DHX30: variants seen among roughly 807,000 people sequenced by gnomAD.
DHX30 encodes DExH-box helicase 30.
A neutral mutation model predicts 116.9 loss-of-function variants in DHX30; 4 were observed. The ratio of observed to expected loss-of-function variants is 0.03; its 90% CI spans 0.02 to 0.08. DHX30 has a LOEUF of 0.08. Ranked by LOEUF, DHX30 falls within the 10% of genes least tolerant of loss-of-function variation. The pLI, the probability that DHX30 is intolerant of heterozygous loss-of-function variation, is 1.00. For synonymous variants in DHX30, 697 were observed against 651.7 expected (o/e 1.07, Z -1.06); for missense variants, 871 against 1,595.1 (o/e 0.55, Z 7.73).
At chr3:47,816,269 A>G in intron 3 of DHX30, 3 of 985,086 alleles carry the variant, frequency 3.0e-6, no homozygotes, top group Non-Finnish European at 2.4e-6. Flanking sequence ...ACAAAAAACA[A>G]TTATTGGTGC....
chr3:47,807,446 G>C (rs2035581316), intron 2 of DHX30, among the ~76,000 whole-genome samples: 1 of 152,024 alleles, frequency 6.6e-6, no homozygotes, highest in Non-Finnish European at 1.5e-5. Context: ...GCTCATGCCT[G>C]TAATCCCAGC....
intron 6 of DHX30, among the ~76,000 whole-genome samples, chr3:47,839,986 T>C (rs1316741928): frequency 1.4e-5 from 2 of 137,994 alleles, no homozygotes; most frequent in Admixed American, 1.5e-4. Context: ...GCTACGTATT[T>C]TTTTTTCTTT....
chr3:47,849,392 T>A (rs200827708), intron 19 of DHX30, 43 bp downstream of exon 19: 5 of 1,586,022 alleles, frequency 3.2e-6, no homozygotes, highest in East Asian at 4.5e-5. Flanking sequence ...GGTCCCAGCC[T>A]CCTTCCCTGT....
chr3:47,817,328 C>T (rs1049806375), intron 3 of DHX30, among the ~76,000 whole-genome samples: 2 of 152,174 alleles, frequency 1.3e-5, no homozygotes, highest in East Asian at 1.9e-4. Context: ...TCCACCTTCC[C>T]GTGGAAGACT....
intron 1 of DHX30, among the ~76,000 whole-genome samples, chr3:47,803,623 C>T (rs1398078317): frequency 2.0e-5 from 3 of 152,226 alleles, no homozygotes; most frequent in East Asian, 1.9e-4. Flanking sequence ...TACTTCTCCT[C>T]CTTCCCGGTG....
rs548859998 is a variant in DHX30 at position 47,850,051 on chromosome 3, T to A, written c.3516T>A (p.Leu1172=). The A allele has an allele frequency of 3.8e-5, 61 of 1,601,412 alleles. 1 individual carries two copies. In the South Asian group the frequency reaches 6.6e-4, roughly 17 times the overall value. The change falls in exon 22 of 22, where the codon CTT becomes CTA. Residue 1172 remains leucine, a synonymous_variant. Transcript: ENST00000445061. The part of the protein sequence containing the change: ...PSVQEEHGQL[L]ALLAELLRGP... ...TACAGGAGGAGCACGGGCAGCTGCT[T>A]GCGCTACTGGCAGAGCTGCTGCGAG...
chr3:47,814,875 A>G (rs1185290385), intron 3 of DHX30, among the ~76,000 whole-genome samples: 2 of 151,846 alleles, frequency 1.3e-5, no homozygotes, highest in African/African-American at 2.4e-5. Flanking sequence ...AAGAAATAAA[A>G]TAATTAAAAA....
chr3:47,828,757 C>T (rs1471806485), intron 5 of DHX30, among the ~76,000 whole-genome samples: 2 of 151,998 alleles, frequency 1.3e-5, no homozygotes, highest in Non-Finnish European at 2.9e-5. Flanking sequence ...AGATGGATCC[C>T]GGCTTGGCCT....
chr3:47,840,885 T>A lies in DHX30; in HGVS notation c.375T>A (p.Gly125=), dbSNP rs752246787. Residue 125 remains glycine (G), a synonymous_variant, in exon 7 of 22, where the codon GGT becomes GGA. Transcript: ENST00000445061. ...TCCCTTTTCCCCTCCAGGGTTGGGG[T>A]CTGCTAGGTCCCCGGAATGAGTTGT... The part of the protein sequence containing the change: ...AAACQLFKGW[G]LLGPRNELFD... 2.5e-6 allele frequency: 4 copies of A among 1,613,990 alleles called. No homozygotes were observed. The highest frequency in any genetic ancestry group is 2.7e-5 in the African/African-American group (2 of 74,892).
chr3:47,846,296 A>C lies in DHX30; in HGVS notation c.1224A>C (p.Ala408=). Residue 408 remains alanine, a synonymous_variant, in exon 11 of 22, where the codon GCA becomes GCC. Transcript: ENST00000445061. Reference sequence around the variant, plus strand: ...AGCCCTATGTGCCCCTGTTGGAAGCAGAGGAGGTACGTCTCAGCCAGAGTC... The same window carrying C: ...AGCCCTATGTGCCCCTGTTGGAAGCCGAGGAGGTACGTCTCAGCCAGAGTC... ...TGKPYVPLLE[A]EEVRLSQSLL... is the part of the protein sequence containing the mutation. 1 of 1,614,230 alleles carries C rather than the reference A, an allele frequency of 6.2e-7. No individual in the cohort carries two copies. The highest frequency in any genetic ancestry group is 8.5e-7 in the Non-Finnish European group (1 of 1,180,042).
chr3:47,835,486 G>A (rs2037065724), intron 6 of DHX30, among the ~76,000 whole-genome samples: 1 of 149,410 alleles, frequency 6.7e-6, no homozygotes, highest in South Asian at 2.1e-4. Context: ...TGTACTTTTA[G>A]TACAGATGGG....
chr3:47,816,167 A>G, intron 3 of DHX30: 1 of 979,442 alleles, frequency 1.0e-6, no homozygotes, highest in South Asian at 4.7e-5. Flanking sequence ...TAAAATAAAA[A>G]GAAAAAAATC....
In DHX30 at chr3:47,841,040, G is replaced by T; in HGVS notation, c.530G>T (p.Gly177Val). ...QLNPESIRPG[G>V]PGGLSRSLGR... ...AATCCAGAGAGTATTCGACCAGGGGGACCTGGGGGCCTATCCCGCTCTTTA... is the reference window on the plus strand; with the variant it reads ...AATCCAGAGAGTATTCGACCAGGGGTACCTGGGGGCCTATCCCGCTCTTTA... The change falls in exon 7 of 22, where the codon GGA becomes GTA. Residue 177 changes from glycine to valine, a missense_variant. This residue lies in a region of DHX30 where 109 missense variants were observed against 118.8 expected (regional missense o/e 0.92). Transcript: ENST00000445061. 2 of 1,614,204 alleles carry T rather than the reference G, an allele frequency of 1.2e-6. No homozygotes were observed. The highest frequency in any genetic ancestry group is 1.7e-6 in the Non-Finnish European group (2 of 1,180,032).
In DHX30 at chr3:47,849,818, C is replaced by T. The variant is rs375215717; in HGVS notation, c.3331+49C>T. 128 of 1,608,054 alleles carry T rather than the reference C, an allele frequency of 8.0e-5. 1 individual carries two copies. The highest frequency in any genetic ancestry group is 6.2e-4 in the South Asian group (56 of 90,600). ...CCACCCCGCTCTGCAGCTGCTCCTC[C>T]GGGGCCTGGCCTCACCACAGTTCCC... On this transcript the variant is annotated intron_variant, in intron 21 of 21. Transcript: ENST00000445061.
chr3:47,812,299 T>C (rs904321291), intron 3 of DHX30, among the ~76,000 whole-genome samples: 2 of 151,940 alleles, frequency 1.3e-5, no homozygotes, highest in Admixed American at 6.6e-5. Context: ...GGCTCACACC[T>C]GTAATCCCAG....
intron 2 of DHX30, among the ~76,000 whole-genome samples, chr3:47,806,453 T>A (rs1428668207): frequency 6.9e-6 from 1 of 144,162 alleles, no homozygotes; most frequent in Non-Finnish European, 1.5e-5. Context: ...ATTTTTTTCT[T>A]TTTTTTTTCT....
intron 6 of DHX30, among the ~76,000 whole-genome samples, chr3:47,838,998 C>T (rs1280775068): frequency 6.6e-6 from 1 of 151,916 alleles, no homozygotes; most frequent in Non-Finnish European, 1.5e-5. Context: ...CTCAGCCTCC[C>T]AAGTCTCTGG....
intron 4 of DHX30, among the ~76,000 whole-genome samples, chr3:47,823,304 C>T (rs534179903): frequency 1.1e-4 from 17 of 150,794 alleles, no homozygotes; most frequent in Middle Eastern, 3.4e-3. Flanking sequence ...ACAACCAAAC[C>T]GAGACAAAGA....
intron 1 of DHX30, among the ~76,000 whole-genome samples, chr3:47,804,459 G>A (rs1028965701): frequency 3.3e-5 from 5 of 152,166 alleles, no homozygotes; most frequent in African/African-American, 9.7e-5. Flanking sequence ...GGAGGCTGAG[G>A]CAAGAGAATT....
Sources: allele counts gnomAD v4.1 joint callset (sites outside exome capture counted in the v4.1 genomes callset), GRCh38; gene constraint gnomAD v4.1.1; regional missense constraint gnomAD v4.1.1; transcripts MANE v1.5; gene names NCBI Gene and HGNC (gene_info 2026-07-23, HGNC 2026-07-21).